DNAH11: variants seen among roughly 807,000 people sequenced by gnomAD.
DNAH11 encodes the protein axonemal beta dynein heavy chain 11.
DNAH11 carries 442 observed loss-of-function variants against 526.0 expected under a neutral mutation model. That is an observed-to-expected ratio of 0.84 (90% CI 0.78 to 0.91). DNAH11 has a LOEUF of 0.91. DNAH11 is among the 40% of genes least tolerant of loss of function. The probability of loss-of-function intolerance (pLI) is 0.00; values close to 1 mark genes in which losing one functional copy is unlikely to be tolerated. For synonymous variants in DNAH11, 2,461 were observed against 1,935.9 expected (o/e 1.27, Z -7.12); for missense variants, 6,989 against 5,448.7 (o/e 1.28, Z -8.90).
At chr7:21,728,626 C>A (rs1330648774) in intron 45 of DNAH11, among the ~76,000 whole-genome samples, 1 of 152,150 alleles carries the variant, frequency 6.6e-6, no homozygotes, top group East Asian at 1.9e-4. Flanking sequence ...ATCCAAATAT[C>A]ATCTACATGA....
chr7:21,746,139 G>A (rs765238449), intron 51 of DNAH11, among the ~76,000 whole-genome samples: 38 of 152,260 alleles, frequency 2.5e-4, no homozygotes, highest in Non-Finnish European at 5.6e-4. Context: ...ATTGTGTCTG[G>A]GCTAAACAGC....
Position 21,698,313 on chromosome 7 carries a change from A to G in DNAH11, c.6180+100A>G, listed in dbSNP as rs566663113. 93 of 1,504,134 alleles carry G rather than the reference A, an allele frequency of 6.2e-5. No homozygotes were observed. In the African/African-American group the frequency reaches 1.2e-3, roughly 19 times the overall value. 93.2% of individuals were successfully genotyped at this position (1,504,134 alleles called of 1,614,324 possible). A position where few individuals can be genotyped will look rare whatever the true frequency, so the allele number is the denominator to read the frequency against. On this transcript the variant is annotated intron_variant, in intron 36 of 81. Transcript: ENST00000409508. ...ATTTATCATTCAAATTACATTAGAC[A>G]TTAAAATTTTTTTGTACTTAAAAAA...
In DNAH11 at chr7:21,735,673, C is replaced by A. The variant is rs768581006; in HGVS notation, c.7474C>A (p.Leu2492Ile). The stretch of plus-strand genomic sequence containing the variant: ...CGTTCACACAACAGAGACAGCTCGT[C>A]TTAGATATTTCATGGAGTTGTTGCT... ...VLVHTTETARLRYFMELLLEK... is the reference protein window; with the variant it reads ...VLVHTTETARIRYFMELLLEK... Residue 2492 changes from leucine (L) to isoleucine (I), a missense_variant, in exon 46 of 82, where the codon CTT becomes ATT. Transcript: ENST00000409508. 4.4e-6 allele frequency: 7 copies of A among 1,608,358 alleles called. No homozygotes were observed. The highest frequency in any genetic ancestry group is 5.9e-6 in the Non-Finnish European group (7 of 1,176,882).
intron 57 of DNAH11, among the ~76,000 whole-genome samples, chr7:21,783,793 G>A (rs1324470271): frequency 6.6e-6 from 1 of 152,190 alleles, no homozygotes; most frequent in Non-Finnish European, 1.5e-5. Flanking sequence ...GTGGGTATCA[G>A]TGTTATTGTT....
Position 21,599,441 on chromosome 7 carries a change from T to G in DNAH11, c.2668-346T>G, listed in dbSNP as rs192101801. Among the ~76,000 whole-genome samples, 13 of 152,340 alleles carry G rather than the reference T, an allele frequency of 8.5e-5. No individual in the cohort carries two copies. In the East Asian group the frequency reaches 2.3e-3, roughly 27 times the overall value. On this transcript the variant is annotated intron_variant, in intron 14 of 81. Coordinates refer to ENST00000409508, the MANE Select transcript of DNAH11 (RefSeq NM_001277115.2). Reference sequence around the variant, plus strand: ...ACGGAAGGCCCTGGAAGGCAAAGTCTAAGGACACAGAGTTAGTGACAGAGC... The same window carrying G: ...ACGGAAGGCCCTGGAAGGCAAAGTCGAAGGACACAGAGTTAGTGACAGAGC...
intron 70 of DNAH11, among the ~76,000 whole-genome samples, 169 bp downstream of exon 70, chr7:21,864,826 G>T (rs2128032909): frequency 6.6e-6 from 1 of 152,242 alleles, no homozygotes; most frequent in South Asian, 2.1e-4. Context: ...TATTCAATTG[G>T]TTAATTTCTC....
chr7:21,658,995 C>T lies in DNAH11; in HGVS notation c.5292C>T (p.Gly1764=), dbSNP rs1325674184. 2 of 1,607,384 alleles carry T rather than the reference C, an allele frequency of 1.2e-6. No homozygotes were observed. The highest frequency in any genetic ancestry group is 1.7e-6 in the Non-Finnish European group (2 of 1,177,014). Residue 1764 remains glycine, a synonymous_variant, in exon 30 of 82, where the codon GGC becomes GGT. Coordinates refer to ENST00000409508, the MANE Select transcript of DNAH11 (RefSeq NM_001277115.2). ...TAGCCTTCAGTAGACTGGAAGAAGG[C>T]TACGAAACAGCCCTGAAGGATTTCC... The part of the protein sequence containing the change: ...VGIAFSRLEE[G]YETALKDFHK...
chr7:21,853,067 A>C (rs11763735), intron 67 of DNAH11, among the ~76,000 whole-genome samples: 50,057 of 152,000 alleles, frequency 0.33, 10,155 homozygotes, highest in Non-Finnish European at 0.45. Context: ...CAGGATACCG[A>C]GCAAAGGATA....
chr7:21,550,334 G>A (rs936059300), intron 2 of DNAH11, among the ~76,000 whole-genome samples: 6 of 152,148 alleles, frequency 3.9e-5, no homozygotes, highest in African/African-American at 1.2e-4. Context: ...AACTCAAGAG[G>A]TGAAGTTTGA....
rs550518090 is a variant in DNAH11, at chr7:21,901,136, G to T, written c.13433G>T (p.Cys4478Phe). Residue 4478 changes from cysteine (C) to phenylalanine (F), a missense_variant, in exon 82 of 82, where the codon TGC becomes TTC. Physicochemically the swap from Cys to Phe is radical, Grantham distance 205 (BLOSUM62 -2). Coordinates refer to ENST00000409508, the MANE Select transcript of DNAH11 (RefSeq NM_001277115.2). ...CAAGAAACCAAACAGACCTACGAGT[G>T]CCCTGTGTATAGAACCAAACTGAGA... Reference protein sequence around the residue: ...DRQETKQTYECPVYRTKLRGP... With the variant: ...DRQETKQTYEFPVYRTKLRGP... 1 of 1,613,294 alleles carries T rather than the reference G, an allele frequency of 6.2e-7. No homozygotes were observed. Among genetic ancestry groups the T allele is most frequent in the South Asian group, 1.1e-5 (1 of 91,080 alleles).
At chr7:21,552,140 G>C (rs754815919) in intron 2 of DNAH11, among the ~76,000 whole-genome samples, 2 of 152,118 alleles carry the variant, frequency 1.3e-5, no homozygotes, top group African/African-American at 2.4e-5. Flanking sequence ...CCCAAGGGCC[G>C]CGCCCTGGTC....
intron 30 of DNAH11, among the ~76,000 whole-genome samples, chr7:21,661,417 C>T (rs12700291): frequency 0.51 from 76,644 of 151,548 alleles, 19,811 homozygotes; most frequent in Admixed American, 0.64. Flanking sequence ...TTTGATAATC[C>T]AGCTGGGTAT....
At chr7:21,812,506 G>GACAAA (rs1554283827) in intron 63 of DNAH11, among the ~76,000 whole-genome samples, 11 of 58,916 alleles carry the variant, frequency 1.9e-4, no homozygotes, top group African/African-American at 7.9e-4. Flanking sequence ...CTATCTATAT[G>GACAAA]AAAAAAAAAT....
Position 21,742,185 on chromosome 7 carries a change from G to T in DNAH11, c.8154+19G>T. On this transcript the variant is annotated intron_variant, in intron 49 of 81. Transcript: ENST00000409508. Reference sequence around the variant, plus strand: ...CTTCCAGGTACCTTGACTGCTCTATGTTATGCCTCTTGAGTAGAGAAATAA... The same window carrying T: ...CTTCCAGGTACCTTGACTGCTCTATTTTATGCCTCTTGAGTAGAGAAATAA... 2 of 1,611,916 alleles carry T rather than the reference G, an allele frequency of 1.2e-6. No individual in the cohort carries two copies. Among genetic ancestry groups the T allele is most frequent in the Admixed American group, 3.3e-5 (2 of 59,916 alleles).
chr7:21,711,938 C>T, intron 42 of DNAH11, 78 bp downstream of exon 42: 1 of 1,507,534 alleles, frequency 6.6e-7, no homozygotes, highest in Non-Finnish European at 9.0e-7. Flanking sequence ...TTTGCTTAAG[C>T]ACATTCATGT....
intron 14 of DNAH11, among the ~76,000 whole-genome samples, chr7:21,598,834 C>A (rs975107103): frequency 1.3e-5 from 2 of 152,094 alleles, no homozygotes; most frequent in African/African-American, 2.4e-5. Context: ...TGAGAAAATG[C>A]AGTATTTGGT....
At chr7:21,693,385 A>G (rs1783711254) in intron 35 of DNAH11, among the ~76,000 whole-genome samples, 1 of 152,196 alleles carries the variant, frequency 6.6e-6, no homozygotes, top group African/African-American at 2.4e-5. Context: ...CTCTTTTGTT[A>G]AGGAATTTTT....
At chr7:21,781,561 T>C (rs1459570081) in intron 57 of DNAH11, among the ~76,000 whole-genome samples, 1 of 152,228 alleles carries the variant, frequency 6.6e-6, no homozygotes, top group Non-Finnish European at 1.5e-5. Flanking sequence ...TAGAGGCGCC[T>C]TCTAAATTGA....
intron 45 of DNAH11, among the ~76,000 whole-genome samples, chr7:21,730,511 C>T (rs1364234269): frequency 1.3e-5 from 2 of 152,216 alleles, no homozygotes; most frequent in African/African-American, 2.4e-5. Context: ...TTGTACCTTT[C>T]AGCCTTTAAC....
Sources: allele counts gnomAD v4.1 joint callset (sites outside exome capture counted in the v4.1 genomes callset), GRCh38; gene constraint gnomAD v4.1.1; transcripts MANE v1.5; gene names NCBI Gene and HGNC (gene_info 2026-07-23, HGNC 2026-07-21).